Variants in IRAG1 observed in about 807,000 individuals in gnomAD.
IRAG1 encodes inositol 1,4,5-triphosphate receptor associated 1, also known as IP3R-associated cGMP kinase substrate.
IRAG1 carries 62 observed loss-of-function variants against 106.2 expected under a neutral mutation model. That is an observed-to-expected ratio of 0.58 (90% CI 0.48 to 0.72). IRAG1 has a LOEUF of 0.72. IRAG1 is among the 30% of genes least tolerant of loss of function. The pLI is 0.00. For synonymous variants in IRAG1, 462 were observed against 443.9 expected (o/e 1.04, Z -0.51); for missense variants, 1,064 against 1,140.7 (o/e 0.93, Z 0.97).
intron 10 of IRAG1, among the ~76,000 whole-genome samples, chr11:10,620,466 A>G (rs16908075): frequency 0.048 from 7,337 of 152,174 alleles, 385 homozygotes; most frequent in African/African-American, 0.13. Context: ...TCAACGAAAA[A>G]CCCCAGACCT....
chr11:10,613,972 G>C (rs1003209582), intron 10 of IRAG1, among the ~76,000 whole-genome samples: 2 of 151,948 alleles, frequency 1.3e-5, no homozygotes, highest in East Asian at 3.9e-4. Flanking sequence ...AAATTCTCAC[G>C]CACCAAGCCA....
chr11:10,691,276 A>G (rs1422327579), intron 1 of IRAG1, among the ~76,000 whole-genome samples: 2 of 152,224 alleles, frequency 1.3e-5, no homozygotes, highest in African/African-American at 4.8e-5. Flanking sequence ...TGCTCCCGGC[A>G]TTCTGGGTGC....
chr11:10,615,463 T>C lies in IRAG1; in HGVS notation c.1448-5612A>G, dbSNP rs193099545. 1.4e-3 allele frequency among the ~76,000 whole-genome samples: 206 copies of C among 152,266 alleles called. 5 individuals carry two copies. In the East Asian group the frequency reaches 0.039, roughly 28 times the overall value. On this transcript the variant is annotated intron_variant, in intron 10 of 20. Coordinates refer to ENST00000423302, the MANE Select transcript of IRAG1 (RefSeq NM_130385.4). Reference sequence around the variant, plus strand: ...ACCCAAAGGATTATAAATCATGCTGTTATAAAGACACATGCACACGTATGT... The same window carrying C: ...ACCCAAAGGATTATAAATCATGCTGCTATAAAGACACATGCACACGTATGT...
intron 14 of IRAG1, 121 bp from the exon 15 acceptor site, chr11:10,601,180 C>A: frequency 1.5e-6 from 2 of 1,361,182 alleles, no homozygotes; most frequent in Non-Finnish European, 2.0e-6. Context: ...CAAGACTCTG[C>A]CCTCTGAAGA....
At chr11:10,649,767 C>A (rs1564928116) in intron 2 of IRAG1, among the ~76,000 whole-genome samples, 1 of 152,108 alleles carries the variant, frequency 6.6e-6, no homozygotes, top group African/African-American at 2.4e-5. Flanking sequence ...TTGCCTGCCA[C>A]AAAGTTGAGA....
At chr11:10,631,277 G>C (rs2134629784) in intron 4 of IRAG1, among the ~76,000 whole-genome samples, 1 of 152,286 alleles carries the variant, frequency 6.6e-6, no homozygotes, top group African/African-American at 2.4e-5. Flanking sequence ...CAGAGTTTCA[G>C]TTGCCAGCAA....
intron 16 of IRAG1, 200 bp from the exon 17 acceptor site, chr11:10,593,799 G>C (rs1489625482): frequency 1.7e-6 from 1 of 582,876 alleles, no homozygotes; most frequent in Non-Finnish European, 3.1e-6. Flanking sequence ...GTGAGTGAAC[G>C]CTCAATCTGT....
At chr11:10,605,096 C>G (rs1290902798) in intron 12 of IRAG1, among the ~76,000 whole-genome samples, 3 of 152,232 alleles carry the variant, frequency 2.0e-5, no homozygotes, top group African/African-American at 7.2e-5. Context: ...AGGTATGATT[C>G]TGTTCGGTTA....
intron 11 of IRAG1, 150 bp from the exon 12 acceptor site, chr11:10,606,922 C>T (rs889358044): frequency 1.3e-5 from 8 of 622,506 alleles, no homozygotes; most frequent in Admixed American, 3.5e-5. Context: ...CTTGCCTGTG[C>T]TCTGTCACCT....
At chr11:10,652,278 C>T in intron 1 of IRAG1, 96 bp from the exon 2 acceptor site, 1 of 1,555,656 alleles carries the variant, frequency 6.4e-7, no homozygotes, top group Non-Finnish European at 8.7e-7. Context: ...TGAGAGCCGG[C>T]TTGAGTTTGC....
At chr11:10,685,874 T>A (rs565448955) in intron 1 of IRAG1, among the ~76,000 whole-genome samples, 2 of 152,270 alleles carry the variant, frequency 1.3e-5, no homozygotes, top group East Asian at 3.9e-4. Flanking sequence ...CCCAAGGTGA[T>A]GCTCCTTGGG....
At position 10,610,330 on chromosome 11, in the gene IRAG1, A is replaced by G. The variant is rs572311640; in HGVS notation, c.1448-479T>C. ...TAACATCTGATTCCATACCCCATAG[A>G]TAAGAGATTTTCCAGAGTAAACCTA... On this transcript the variant is annotated intron_variant, in intron 10 of 20. Transcript: ENST00000423302. Among the ~76,000 whole-genome samples the G allele has an allele frequency of 6.6e-5, 10 of 152,350 alleles. No homozygotes were observed. In the South Asian group the frequency reaches 1.4e-3, roughly 22 times the overall value.
chr11:10,610,317 C>T (rs1054626589), intron 10 of IRAG1, among the ~76,000 whole-genome samples: 1 of 152,188 alleles, frequency 6.6e-6, no homozygotes, highest in Non-Finnish European at 1.5e-5. Flanking sequence ...ACATCTGATT[C>T]CATACCCCAT....
intron 15 of IRAG1, among the ~76,000 whole-genome samples, chr11:10,597,382 G>A (rs2134264812): frequency 6.6e-6 from 1 of 152,344 alleles, no homozygotes; most frequent in East Asian, 1.9e-4. Context: ...ATGAAGTGCA[G>A]TGGCATGATC....
chr11:10,609,937 A>G (rs540496782), intron 10 of IRAG1, 86 bp from the exon 11 acceptor site: 41 of 1,342,168 alleles, frequency 3.1e-5, no homozygotes, highest in African/African-American at 2.3e-4. Context: ...TTTGACATTT[A>G]TAAGTATCTA....
At chr11:10,612,652 G>C (rs1158286709) in intron 10 of IRAG1, among the ~76,000 whole-genome samples, 1 of 151,948 alleles carries the variant, frequency 6.6e-6, no homozygotes, top group Non-Finnish European at 1.5e-5. Context: ...ATAGACAAAA[G>C]AGGAAGGAAG....
chr11:10,587,703 T>G (rs1280068091), intron 18 of IRAG1, among the ~76,000 whole-genome samples: 1 of 152,194 alleles, frequency 6.6e-6, no homozygotes, highest in African/African-American at 2.4e-5. Context: ...TGCTGATCGC[T>G]CTGTGAACGG....
chr11:10,678,632 T>C (rs1239761545), intron 1 of IRAG1, among the ~76,000 whole-genome samples: 3 of 152,166 alleles, frequency 2.0e-5, no homozygotes, highest in African/African-American at 7.2e-5. Flanking sequence ...AATTTGCCTC[T>C]CTTTTCAAAG....
At chr11:10,662,806 C>T (rs921489632) in intron 1 of IRAG1, among the ~76,000 whole-genome samples, 2 of 152,232 alleles carry the variant, frequency 1.3e-5, no homozygotes, top group Non-Finnish European at 2.9e-5. Context: ...AAGGCACAGA[C>T]TCTGGTATTA....
Sources: gnomAD v4.1 joint callset for allele counts (sites outside exome capture counted in the v4.1 genomes callset) on GRCh38, gnomAD v4.1.1 for gene constraint, MANE v1.5 for transcripts, NCBI Gene and HGNC (gene_info 2026-07-23, HGNC 2026-07-21) for gene names.